Variants in FSTL5 observed in about 807,000 individuals in gnomAD.
FSTL5 encodes the protein follistatin like 5.
FSTL5 carries 62 observed loss-of-function variants against 89.1 expected under a neutral mutation model. That is an observed-to-expected ratio of 0.70 (90% confidence interval 0.57 to 0.86). The LOEUF (loss-of-function observed/expected upper bound fraction) is 0.86, where lower values mean the gene tolerates loss of function less well. Among genes scored for constraint, FSTL5 ranks in the 40% least tolerant of loss-of-function variants. The pLI is 0.00. For missense variants in FSTL5, 1,057 were observed against 1,001.6 expected (o/e 1.06, Z -0.75); for synonymous variants, 383 against 346.2 (o/e 1.11, Z -1.18).
At chr4:161,563,045 G>C (rs756530316) in intron 8 of FSTL5, among the ~76,000 whole-genome samples, 6 of 151,874 alleles carry the variant, frequency 4.0e-5, no homozygotes, top group Non-Finnish European at 8.8e-5. Context: ...AACATGTGTG[G>C]GCTACAAGGT....
chr4:162,017,054 GT>G (rs1231106609), intron 3 of FSTL5, among the ~76,000 whole-genome samples: 1 of 152,144 alleles, frequency 6.6e-6, no homozygotes, highest in Non-Finnish European at 1.5e-5. Context: ...TAAAAGTAAA[GT>G]TTTAAAAAAT....
At chr4:161,574,546 T>C (rs916113147) in intron 8 of FSTL5, among the ~76,000 whole-genome samples, 3 of 152,072 alleles carry the variant, frequency 2.0e-5, no homozygotes, top group African/African-American at 7.2e-5. Context: ...CAGTGTGTGA[T>C]ATTCCCCTCC....
intron 7 of FSTL5, among the ~76,000 whole-genome samples, chr4:161,603,375 TTAG>T (rs1734320078): frequency 6.6e-6 from 1 of 152,114 alleles, no homozygotes; most frequent in Non-Finnish European, 1.5e-5. Context: ...TCGGATAGGA[TTAG>T]TAGTGGCTTT....
Position 162,119,029 on chromosome 4 carries a change from C to G in FSTL5, c.-16-7617G>C, listed in dbSNP as rs1000364514. ...CCAGAAATTCAAGTTGAAGACCAGA[C>G]TGGGCAATATAGCAAGACCCCCTCT... On this transcript the variant is annotated intron_variant, in intron 1 of 15. Coordinates refer to ENST00000306100, the MANE Select transcript of FSTL5 (RefSeq NM_020116.5). 5.9e-5 allele frequency among the ~76,000 whole-genome samples: 9 copies of G among 152,196 alleles called. No homozygotes were observed. The East Asian group carries it at 1.7e-3, about 30-fold the overall frequency.
chr4:162,162,861 G>A (rs765251955), intron 1 of FSTL5, among the ~76,000 whole-genome samples: 3 of 152,082 alleles, frequency 2.0e-5, no homozygotes, highest in Non-Finnish European at 4.4e-5. Context: ...TAATACAAGC[G>A]AATACTGTAT....
intron 6 of FSTL5, among the ~76,000 whole-genome samples, chr4:161,730,328 A>G (rs1739563586): frequency 6.6e-6 from 1 of 152,160 alleles, no homozygotes; most frequent in Admixed American, 6.5e-5. Context: ...GTGTTCAGTT[A>G]TATAGTACTC....
intron 3 of FSTL5, among the ~76,000 whole-genome samples, chr4:161,961,771 G>C (rs757827556): frequency 1.3e-4 from 20 of 151,644 alleles, no homozygotes; most frequent in Non-Finnish European, 1.9e-4. Flanking sequence ...ATAAATCCTA[G>C]TTAATACCTG....
chr4:162,137,810 C>A (rs924242460), intron 1 of FSTL5, among the ~76,000 whole-genome samples: 4 of 152,120 alleles, frequency 2.6e-5, no homozygotes, highest in African/African-American at 9.7e-5. Flanking sequence ...CATTATATTT[C>A]TATCGAAAAG....
At chr4:161,674,713 G>A (rs368926045) in intron 6 of FSTL5, among the ~76,000 whole-genome samples, 3 of 152,278 alleles carry the variant, frequency 2.0e-5, no homozygotes, top group African/African-American at 7.2e-5. Flanking sequence ...CATGCTAGGA[G>A]TTAAGGTCTG....
intron 4 of FSTL5, among the ~76,000 whole-genome samples, chr4:161,872,804 A>G (rs887751258): frequency 1.3e-5 from 2 of 152,196 alleles, no homozygotes; most frequent in Non-Finnish European, 2.9e-5. Context: ...GAAACTGAGG[A>G]ACAAAAACTA....
intron 1 of FSTL5, among the ~76,000 whole-genome samples, chr4:162,134,443 T>G (rs1732449506): frequency 6.6e-6 from 1 of 152,240 alleles, no homozygotes; most frequent in South Asian, 2.1e-4. Flanking sequence ...CACACTATTT[T>G]CTGTTAAATG....
intron 2 of FSTL5, among the ~76,000 whole-genome samples, chr4:162,071,574 T>C (rs1430994664): frequency 1.3e-5 from 2 of 151,784 alleles, no homozygotes; most frequent in East Asian, 1.9e-4. Context: ...ACATTCAGCA[T>C]TGGGCAGATC....
intron 2 of FSTL5, among the ~76,000 whole-genome samples, chr4:162,046,068 CTTA>C (rs1307502060): frequency 1.3e-5 from 2 of 152,122 alleles, no homozygotes; most frequent in African/African-American, 2.4e-5. Context: ...CATTAAGTTT[CTTA>C]TTATCATCTT....
intron 6 of FSTL5, among the ~76,000 whole-genome samples, chr4:161,670,524 T>C (rs987950011): frequency 6.6e-6 from 1 of 152,182 alleles, no homozygotes; most frequent in Non-Finnish European, 1.5e-5. Flanking sequence ...TGTGGTGTAA[T>C]AGAATTTGGG....
intron 3 of FSTL5, among the ~76,000 whole-genome samples, chr4:162,014,766 A>G (rs1736867210): frequency 6.6e-6 from 1 of 152,078 alleles, no homozygotes; most frequent in Non-Finnish European, 1.5e-5. Context: ...TAAAAATATA[A>G]GATGGTTAAA....
chr4:162,117,712 C>A (rs11931941), intron 1 of FSTL5, among the ~76,000 whole-genome samples: 30,623 of 152,066 alleles, frequency 0.2, 3,573 homozygotes, highest in East Asian at 0.36. Flanking sequence ...GAATTGCTAC[C>A]TGGCTATTGG....
chr4:161,642,555 C>T (rs1204060373), intron 7 of FSTL5, among the ~76,000 whole-genome samples: 1 of 151,924 alleles, frequency 6.6e-6, no homozygotes, highest in Non-Finnish European at 1.5e-5. Context: ...ACAAAACAGA[C>T]ATTAAATTTA....
intron 4 of FSTL5, among the ~76,000 whole-genome samples, chr4:161,861,484 AGGAAGGAAGGAG>A (rs1334381702): frequency 1.3e-5 from 2 of 152,122 alleles, no homozygotes; most frequent in African/African-American, 2.4e-5. Flanking sequence ...AGGAAATGAA[AGGAAGGAAGGAG>A]GGAAGGAAGG....
chr4:161,614,850 C>G (rs1446747930), intron 7 of FSTL5, among the ~76,000 whole-genome samples: 1 of 152,022 alleles, frequency 6.6e-6, no homozygotes, highest in East Asian at 1.9e-4. Flanking sequence ...TAATTAACAA[C>G]TTTTTGAAAA....
Sources: gnomAD v4.1 joint callset for allele counts (sites outside exome capture counted in the v4.1 genomes callset) on GRCh38, gnomAD v4.1.1 for gene constraint, MANE v1.5 for transcripts, NCBI Gene and HGNC (gene_info 2026-07-23, HGNC 2026-07-21) for gene names.